IWS1: variants seen among roughly 807,000 people sequenced by gnomAD.
IWS1 encodes the protein protein IWS1 homolog.
A neutral mutation model predicts 86.7 loss-of-function variants in IWS1; 27 were observed. The ratio of observed to expected loss-of-function variants is 0.31; its 90% CI spans 0.23 to 0.43. The LOEUF is 0.43. Among genes scored for constraint, IWS1 ranks in the 20% least tolerant of loss-of-function variants. The pLI is 1.00. For synonymous variants in IWS1, 313 were observed against 335.1 expected (o/e 0.93, Z 0.72); for missense variants, 827 against 1,000.8 (o/e 0.83, Z 2.34).
chr2:127,505,544 G>C lies in IWS1; in HGVS notation c.359C>G (p.Ser120Cys). The C allele has an allele frequency of 4.3e-6, 7 of 1,614,000 alleles. No individual in the cohort carries two copies. The highest frequency in any genetic ancestry group is 5.9e-6 in the Non-Finnish European group (7 of 1,179,990). The change falls in exon 3 of 14, where the codon TCT becomes TGT. Residue 120 changes from serine (S) to cysteine (C), a missense_variant. By Grantham distance (112) the Ser-to-Cys change is moderately radical (BLOSUM62 -1). This residue lies in a region of IWS1 where 548 missense variants were observed against 560.2 expected (regional missense o/e 0.98). Transcript: ENST00000295321. This position sits in a 1 kb window ranked among gnomAD's most constrained non-coding sequence, Gnocchi z 5.0. Reference protein sequence around the residue: ...NEDVNQHGSDSESEETRKLPG... With the variant: ...NEDVNQHGSDCESEETRKLPG... ...TAATTTCCTGGTCTCTTCACTCTCA[G>C]AGTCGCTCCCATGCTGATTGACATC...
chr2:127,504,273 G>A (rs776085080), intron 3 of IWS1, among the ~76,000 whole-genome samples: 1 of 152,170 alleles, frequency 6.6e-6, no homozygotes, highest in Non-Finnish European at 1.5e-5. Flanking sequence ...CAAATGAAGA[G>A]ATGTACCTGT....
Position 127,526,401 on chromosome 2 carries a change from AAGGCCGT to A in IWS1, c.-200_-194del. 1 of 1,536,180 alleles carries A rather than the reference AAGGCCGT, an allele frequency of 6.5e-7. No homozygotes were observed. The highest frequency in any genetic ancestry group is 8.7e-7 in the Non-Finnish European group (1 of 1,145,786). On this transcript the variant is annotated 5_prime_UTR_variant, in exon 1 of 14. The change abolishes the stop of an existing upstream ORF in the 5' untranslated region. Coordinates refer to ENST00000295321, the MANE Select transcript of IWS1 (RefSeq NM_017969.3). ...CTTTGACCTGGAAGCCCCGGCGGAAAAGGCCGTACCCGGCAGGCTGGCGGGCGGGCAG... is the reference window on the plus strand; with the variant it reads ...CTTTGACCTGGAAGCCCCGGCGGAAAACCCGGCAGGCTGGCGGGCGGGCAG...
Position 127,526,242 on chromosome 2 carries a change from C to G in IWS1, c.-34G>C. The stretch of plus-strand genomic sequence containing the variant: ...GACTCTCAGCGGGGAGTGTCCGCGC[C>G]CCGCGCCGCCCCCGTCACCTCCTTC... On this transcript the variant is annotated 5_prime_UTR_variant, in exon 1 of 14. Coordinates refer to ENST00000295321, the MANE Select transcript of IWS1 (RefSeq NM_017969.3). 6.4e-7 allele frequency: 1 copy of G among 1,551,618 alleles called. No homozygotes were observed. The highest frequency in any genetic ancestry group is 1.2e-5 in the South Asian group (1 of 84,276).
In IWS1 at chr2:127,498,382, G is replaced by A. The variant is rs191247718; in HGVS notation, c.1468-145C>T. The A allele has an allele frequency of 8.0e-4, 560 of 702,882 alleles. 3 individuals carry two copies. The African/African-American group carries it at 9.1e-3, about 11-fold the overall frequency. 43.5% of individuals were successfully genotyped at this position (702,882 alleles called of 1,614,324 possible). ...GTACATAACAAAAGGTCCCTCTCCA[G>A]CCACTAGTGTTACTAGGTTTCTTGT... On this transcript the variant is annotated intron_variant, in intron 5 of 13. Transcript: ENST00000295321.
At chr2:127,483,594 G>GGGGGGGGGGT (rs1689763140) in intron 13 of IWS1, among the ~76,000 whole-genome samples, 1 of 35,434 alleles carries the variant, frequency 2.8e-5, no homozygotes, top group African/African-American at 8.5e-5. Flanking sequence ...GGTGGGGTGG[G>GGGGGGGGGGT]GGGGTTGGGC....
At chr2:127,483,728 C>T (rs1032249643) in intron 13 of IWS1, among the ~76,000 whole-genome samples, 5 of 151,588 alleles carry the variant, frequency 3.3e-5, no homozygotes, top group African/African-American at 7.3e-5. Context: ...CTCCTGGGCT[C>T]GAGTGATTCT....
At chr2:127,524,625 A>AC (rs1005543317) in intron 1 of IWS1, among the ~76,000 whole-genome samples, 10 of 146,870 alleles carry the variant, frequency 6.8e-5, no homozygotes, top group South Asian at 6.5e-4. Context: ...TGCAACCTCC[A>AC]CCCCCCCGGG....
intron 3 of IWS1, 24 bp from the exon 4 acceptor site, chr2:127,503,600 T>C (rs202139356): frequency 6.9e-5 from 107 of 1,541,640 alleles, no homozygotes; most frequent in Non-Finnish European, 2.7e-5. Context: ...AAATCATCAT[T>C]AATTTTATTT....
chr2:127,488,915 A>T (rs1390711600), intron 12 of IWS1, among the ~76,000 whole-genome samples: 1 of 152,126 alleles, frequency 6.6e-6, no homozygotes, highest in Non-Finnish European at 1.5e-5. Context: ...GACTATTTTT[A>T]ATTTGTTTTT....
At chr2:127,483,603 G>GT (rs1689765649) in intron 13 of IWS1, among the ~76,000 whole-genome samples, 1 of 8,426 alleles carries the variant, frequency 1.2e-4, no homozygotes, top group Non-Finnish European at 4.9e-4. Context: ...GGGGGGTTGG[G>GT]CTGTGTGTGT....
intron 8 of IWS1, 105 bp downstream of exon 8, chr2:127,494,767 G>T (rs111372473): frequency 9.0e-6 from 5 of 554,996 alleles, no homozygotes; most frequent in African/African-American, 1.9e-5. Context: ...TCTGTGAACC[G>T]ATAGAAGTCT....
chr2:127,505,441 A>C lies in IWS1; in HGVS notation c.462T>G (p.His154Gln). ...CCTCAATCTCAGAATCACTGGCGGG[A>C]TGCTTCCCAACATCTTCGTTTTCTG... Reference protein sequence around the residue: ...SDSENEDVGKHPASDSEIEEL... With the variant: ...SDSENEDVGKQPASDSEIEEL... Residue 154 changes from histidine (H) to glutamine (Q), a missense_variant, in exon 3 of 14, where the codon CAT becomes CAG. His to Gln is a conservative substitution (Grantham distance 24). Coordinates refer to ENST00000295321, the MANE Select transcript of IWS1 (RefSeq NM_017969.3). This position sits in a 1 kb window ranked among gnomAD's most constrained non-coding sequence, Gnocchi z 5.0. The C allele has an allele frequency of 6.2e-7, 1 of 1,614,092 alleles. No homozygotes were observed. The highest frequency in any genetic ancestry group is 1.6e-4 in the Middle Eastern group (1 of 6,062).
chr2:127,511,264 A>G (rs1408986535), intron 2 of IWS1: 1 of 152,158 alleles, frequency 6.6e-6, no homozygotes, highest in Non-Finnish European at 1.5e-5. Flanking sequence ...CAGCTCTGCT[A>G]TTTTCTACTA....
chr2:127,512,814 T>C (rs1691545230), intron 2 of IWS1, among the ~76,000 whole-genome samples: 1 of 152,250 alleles, frequency 6.6e-6, no homozygotes, highest in African/African-American at 2.4e-5. Flanking sequence ...AGTTTTAAGT[T>C]TGCATTGCTA....
chr2:127,525,132 T>TG (rs1484704860), intron 1 of IWS1, among the ~76,000 whole-genome samples: 1 of 40,590 alleles, frequency 2.5e-5, no homozygotes, highest in Non-Finnish European at 4.8e-5. Context: ...GGTACGGGCA[T>TG]GGGGGGTGGG....
intron 2 of IWS1, among the ~76,000 whole-genome samples, chr2:127,513,804 A>G (rs1393961220): frequency 1.3e-5 from 2 of 152,218 alleles, no homozygotes; most frequent in Non-Finnish European, 2.9e-5. Context: ...CATCATTTAC[A>G]TTTTAGTCCT....
chr2:127,524,525 G>A (rs182990772), intron 1 of IWS1, among the ~76,000 whole-genome samples: 31 of 151,210 alleles, frequency 2.1e-4, no homozygotes, highest in Middle Eastern at 6.9e-3. Flanking sequence ...CTATATACAT[G>A]TATTACATAT....
chr2:127,493,211 T>G, intron 9 of IWS1, 70 bp downstream of exon 9: 1 of 1,379,966 alleles, frequency 7.2e-7, no homozygotes, highest in Admixed American at 2.6e-5. Context: ...CACTGTAAAC[T>G]ACACAGGTTA....
Position 127,489,752 on chromosome 2 carries a change from G to A in IWS1, c.2159+80C>T, listed in dbSNP as rs1690123409. 2.5e-6 allele frequency: 2 copies of A among 795,106 alleles called. No individual in the cohort carries two copies. The highest frequency in any genetic ancestry group is 3.7e-5 in the Admixed American group (2 of 54,002). The allele number at this position is 795,106 out of a possible 1,614,324, so 49.3% of individuals were successfully genotyped here. On this transcript the variant is annotated intron_variant, in intron 11 of 13. Transcript: ENST00000295321. The surrounding 1 kb of genome is among the most constrained non-coding windows in gnomAD (Gnocchi z 4.8). ...GAAAGGAAATCCTATCATCTTGCAG[G>A]CTTCCTAATGATCTTACTTAAAACT... is the stretch of plus-strand genomic sequence containing the variant.
Sources: gnomAD v4.1 joint callset for allele counts (sites outside exome capture counted in the v4.1 genomes callset) on GRCh38, gnomAD v4.1.1 for gene constraint, gnomAD v4.1.1 regional missense constraint, Gnocchi (gnomAD v3.1) non-coding constraint, MANE v1.5 for transcripts, NCBI Gene and HGNC (gene_info 2026-07-23, HGNC 2026-07-21) for gene names.